Variants in TPCN2 observed in about 807,000 individuals in gnomAD.
TPCN2 encodes the protein two pore channel protein 2.
Under a neutral mutation model 111.4 loss-of-function variants are expected in TPCN2, and 92 were observed. That is an observed-to-expected ratio of 0.83 (90% CI 0.70 to 0.98). The LOEUF is 0.98. TPCN2 is among the 50% of genes least tolerant of loss of function. The pLI is 0.00. For missense variants in TPCN2, 995 were observed against 980.1 expected (o/e 1.02, Z -0.20); for synonymous variants, 405 against 414.5 (o/e 0.98, Z 0.28).
chr11:69,050,967 G>A (rs1861201283), intron 1 of TPCN2, among the ~76,000 whole-genome samples: 2 of 152,242 alleles, frequency 1.3e-5, no homozygotes, highest in Non-Finnish European at 2.9e-5. Flanking sequence ...TGGACAGGAC[G>A]CTCTGTGTTC....
rs938412047 is a variant in TPCN2 at position 69,090,380 on chromosome 11, C to G, written c.*2427C>G. On this transcript the variant is annotated 3_prime_UTR_variant, in exon 25 of 25. Transcript: ENST00000294309. ...CCCAGCCTCCCATCACTGCCACCCA[C>G]TCCCCACAGAGATGCCCTGCTCATC... The G allele has an allele frequency of 2.6e-5, 4 of 152,284 alleles. No individual in the cohort carries two copies. Among genetic ancestry groups the G allele is most frequent in the Non-Finnish European group, 5.9e-5 (4 of 68,088 alleles). 9.4% of individuals were successfully genotyped at this position (152,284 alleles called of 1,614,324 possible). A position where few individuals can be genotyped will look rare whatever the true frequency, so the allele number is the denominator to read the frequency against.
At chr11:69,075,800 TCTC>T (rs1188922443) in intron 13 of TPCN2, among the ~76,000 whole-genome samples, 2 of 152,090 alleles carry the variant, frequency 1.3e-5, no homozygotes, top group East Asian at 3.9e-4. Context: ...CTGAAAGAAG[TCTC>T]CTCTTCATAT....
chr11:69,078,924 G>A lies in TPCN2; in HGVS notation c.1443G>A (p.Leu481=), dbSNP rs1309773335. Reference sequence around the variant, plus strand: ...ACTGCGTCTTCATTGTGTACTACCTGTTGGAGATGCTGCTCAAGGTCTTTG... The same window carrying A: ...ACTGCGTCTTCATTGTGTACTACCTATTGGAGATGCTGCTCAAGGTCTTTG... The part of the protein sequence containing the change: ...ILNCVFIVYY[L]LEMLLKVFAL... The change falls in exon 16 of 25, where the codon CTG becomes CTA. Residue 481 remains leucine, a synonymous_variant. Coordinates refer to ENST00000294309, the MANE Select transcript of TPCN2 (RefSeq NM_139075.4). 1.9e-6 allele frequency: 3 copies of A among 1,614,128 alleles called. No individual in the cohort carries two copies. The highest frequency in any genetic ancestry group is 1.1e-5 in the South Asian group (1 of 91,084).
At chr11:69,059,030 G>A (rs933251300) in intron 5 of TPCN2, among the ~76,000 whole-genome samples, 2 of 152,238 alleles carry the variant, frequency 1.3e-5, no homozygotes, top group East Asian at 1.9e-4. Flanking sequence ...ACCTGGCCGT[G>A]GGCCCTGCCT....
Position 69,087,872 on chromosome 11 carries a change from C to T in TPCN2, c.2181-3C>T, listed in dbSNP as rs771369762. ...CTGTGTGCATCTTTCCTCAATTCCACAGGGATATTCTGGAGGAGCCCGGGG... is the reference window on the plus strand; with the variant it reads ...CTGTGTGCATCTTTCCTCAATTCCATAGGGATATTCTGGAGGAGCCCGGGG... On this transcript the variant is annotated splice_polypyrimidine_tract_variant and splice_region_variant and intron_variant, in intron 24 of 24. Coordinates refer to ENST00000294309, the MANE Select transcript of TPCN2 (RefSeq NM_139075.4). 3 of 1,612,312 alleles carry T rather than the reference C, an allele frequency of 1.9e-6. No individual in the cohort carries two copies. The highest frequency in any genetic ancestry group is 2.5e-6 in the Non-Finnish European group (3 of 1,179,562).
rs1861093532 is a variant in TPCN2 at position 69,049,125 on chromosome 11, G to T, written c.109+19G>T. On this transcript the variant is annotated intron_variant, in intron 1 of 24. Transcript: ENST00000294309. The stretch of plus-strand genomic sequence containing the variant: ...GGCCCTGGTGAGCCGCCCGGACCTG[G>T]GGAGGGGACTGGCCCGGGAGACCAG... 8.1e-7 allele frequency: 1 copy of T among 1,229,784 alleles called. No homozygotes were observed. The highest frequency in any genetic ancestry group is 4.1e-5 in the South Asian group (1 of 24,130). 76.2% of individuals were successfully genotyped at this position (1,229,784 alleles called of 1,614,324 possible). A position where few individuals can be genotyped will look rare whatever the true frequency, so the allele number is the denominator to read the frequency against.
At chr11:69,072,080 C>T (rs1262470227) in intron 11 of TPCN2, 57 bp downstream of exon 11, 10 of 1,479,596 alleles carry the variant, frequency 6.8e-6, no homozygotes, top group Non-Finnish European at 8.4e-6. Flanking sequence ...GGCTGCTGGG[C>T]AGGGGCCGGG....
rs7124310 is a variant in TPCN2 at position 69,079,051 on chromosome 11, A to T, written c.1539+31A>T. On this transcript the variant is annotated intron_variant, in intron 16 of 24. Coordinates refer to ENST00000294309, the MANE Select transcript of TPCN2 (RefSeq NM_139075.4). ...GTAGGCGCATCCGAGGCCGGCCTCT[A>T]CTGGGCGGGTGGGTGAGCGCCACCT... The T allele has an allele frequency of 4.4e-6, 7 of 1,585,056 alleles. No individual in the cohort carries two copies. The East Asian group carries it at 1.1e-4, about 25-fold the overall frequency.
intron 5 of TPCN2, 65 bp downstream of exon 5, chr11:69,057,759 C>A: frequency 6.8e-7 from 1 of 1,475,770 alleles, no homozygotes; most frequent in Non-Finnish European, 9.5e-7. Context: ...GCAAGGCCCA[C>A]GGGGGTGCTG....
intron 13 of TPCN2, among the ~76,000 whole-genome samples, chr11:69,073,737 C>G (rs143653310): frequency 6.6e-6 from 1 of 152,302 alleles, no homozygotes; most frequent in Non-Finnish European, 1.5e-5. Flanking sequence ...CTTGTAGGTG[C>G]TGTTCTTTCC....
chr11:69,054,803 A>G lies in TPCN2; in HGVS notation c.251+6A>G. ...TACTCGAACGTATGCCAACGGTGAG[A>G]ACGCACCCATGTGGAACTCAGGGTT... On this transcript the variant is annotated splice_donor_region_variant and intron_variant, in intron 3 of 24. Coordinates refer to ENST00000294309, the MANE Select transcript of TPCN2 (RefSeq NM_139075.4). 1 of 1,613,642 alleles carries G rather than the reference A, an allele frequency of 6.2e-7. No individual in the cohort carries two copies. Among genetic ancestry groups the G allele is most frequent in the Non-Finnish European group, 8.5e-7 (1 of 1,179,712 alleles).
chr11:69,071,775 G>A (rs894795030), intron 10 of TPCN2, 148 bp from the exon 11 acceptor site: 1 of 686,108 alleles, frequency 1.5e-6, no homozygotes, highest in South Asian at 1.8e-5. Flanking sequence ...CCTGGGGGGT[G>A]AGGGGCTGCC....
intron 2 of TPCN2, 104 bp downstream of exon 2, chr11:69,054,201 GACTGT>G (rs1221665408): frequency 2.2e-6 from 2 of 903,496 alleles, no homozygotes; most frequent in Non-Finnish European, 3.5e-6. Flanking sequence ...TCCATTGCTG[GACTGT>G]AGGTTAAGAG....
At chr11:69,079,233 C>T (rs1483497058) in intron 16 of TPCN2, 9 of 614,708 alleles carry the variant, frequency 1.5e-5, no homozygotes, top group South Asian at 4.6e-5. Context: ...CTACTGCATC[C>T]GAGTGTCATG....
intron 19 of TPCN2, 79 bp from the exon 20 acceptor site, chr11:69,085,131 T>G: frequency 7.6e-7 from 1 of 1,314,558 alleles, no homozygotes; most frequent in Non-Finnish European, 1.1e-6. Context: ...TCCTCTGGCT[T>G]TGCGGTTCTG....
At chr11:69,065,287 C>A (rs1855221938) in intron 7 of TPCN2, among the ~76,000 whole-genome samples, 1 of 152,192 alleles carries the variant, frequency 6.6e-6, no homozygotes, top group African/African-American at 2.4e-5. Flanking sequence ...TTTGCCAGAG[C>A]CTGTACCAGG....
In TPCN2 at chr11:69,072,920, G is replaced by A. The variant is rs746152805; in HGVS notation, c.1149G>A (p.Val383=). 6.2e-7 allele frequency: 1 copy of A among 1,612,402 alleles called. No individual in the cohort carries two copies. Among genetic ancestry groups the A allele is most frequent in the Non-Finnish European group, 8.5e-7 (1 of 1,178,424 alleles). ...CTGTGCTCCTTCCTGTGCAGAAGGT[G>A]CGTTCCTATGGCAGTGTTCTGCTCT... ...SSHKQAMMEK[V]RSYGSVLLSA... The change falls in exon 13 of 25, where the codon GTG becomes GTA. Residue 383 remains valine, a synonymous_variant. Transcript: ENST00000294309.
chr11:69,071,121 TCACCCCAGGGA>T (rs1261189240), intron 9 of TPCN2, among the ~76,000 whole-genome samples: 9 of 148,430 alleles, frequency 6.1e-5, no homozygotes, highest in African/African-American at 1.8e-4. Context: ...ACCAACAGCT[TCACCCCAGGGA>T]TCCCCCACCA....
chr11:69,057,508 A>T, intron 4 of TPCN2, 70 bp from the exon 5 acceptor site: 4 of 1,425,620 alleles, frequency 2.8e-6, no homozygotes, highest in Non-Finnish European at 2.0e-6. Context: ...TGCGCTGCGC[A>T]CCGTCATTCT....
Sources: gnomAD v4.1 joint callset for allele counts (sites outside exome capture counted in the v4.1 genomes callset) on GRCh38, gnomAD v4.1.1 for gene constraint, MANE v1.5 for transcripts, NCBI Gene and HGNC (gene_info 2026-07-23, HGNC 2026-07-21) for gene names.